The following CMTM4 variants were observed in gnomAD, a reference collection of about 807,000 sequenced individuals.
CMTM4 encodes CKLF-like MARVEL transmembrane domain-containing protein 4.
CMTM4 carries 8 observed loss-of-function variants against 19.0 expected under a neutral mutation model. The observed-to-expected ratio is 0.42, with a 90% confidence interval of 0.25 to 0.76. The LOEUF (loss-of-function observed/expected upper bound fraction) is 0.76. Among genes scored for constraint, CMTM4 ranks in the 30% least tolerant of loss-of-function variants. The pLI is 0.27. For synonymous variants in CMTM4, 106 were observed against 121.1 expected (o/e 0.88, Z 0.82); for missense variants, 228 against 290.2 (o/e 0.79, Z 1.56).
the CMTM4 span, among the ~76,000 whole-genome samples, chr16:66,605,726 C>G: frequency 6.6e-6 from 1 of 152,202 alleles, no homozygotes; most frequent in Non-Finnish European, 1.5e-5. This position sits in a 1 kb window ranked among gnomAD's most constrained non-coding sequence, Gnocchi z 4.6. Flanking sequence ...CAGATGAGAG[C>G]GCTCAGGCGC....
At chr16:66,630,486 G>A (rs1225395626) in intron 2 of CMTM4, among the ~76,000 whole-genome samples, 8 of 151,810 alleles carry the variant, frequency 5.3e-5, no homozygotes, top group South Asian at 2.1e-4. Flanking sequence ...TTGCAGGCGC[G>A]CGCCGCCACG....
Position 66,619,534 on chromosome 16 carries a change from T to C in CMTM4, c.*2524A>G. The C allele has an allele frequency of 1.0e-6, 1 of 985,400 alleles. No homozygotes were observed. Among genetic ancestry groups the C allele is most frequent in the Non-Finnish European group, 1.2e-6 (1 of 829,940 alleles). 61.0% of individuals were successfully genotyped at this position (985,400 alleles called of 1,614,324 possible). ...TTAAACGCAAAAACGCTTCCTTCAATTTGCCAAGAGGTCATTTTAAGGCCC... is the reference window on the plus strand; with the variant it reads ...TTAAACGCAAAAACGCTTCCTTCAACTTGCCAAGAGGTCATTTTAAGGCCC... On this transcript the variant is annotated 3_prime_UTR_variant, in exon 4 of 4. Coordinates refer to ENST00000394106, the MANE Select transcript of CMTM4 (RefSeq NM_181521.3).
At chr16:66,692,906 C>T (rs1160195122) in intron 1 of CMTM4, among the ~76,000 whole-genome samples, 1 of 114,124 alleles carries the variant, frequency 8.8e-6, no homozygotes, top group African/African-American at 3.3e-5. Context: ...GACTCCATCT[C>T]AAAAAAAAAA....
chr16:66,646,388 TAATA>T (rs916172576), intron 1 of CMTM4, among the ~76,000 whole-genome samples: 11 of 152,286 alleles, frequency 7.2e-5, no homozygotes, highest in Admixed American at 2.0e-4. Flanking sequence ...TACATGCATA[TAATA>T]TATACACATA....
At chr16:66,633,296 T>C (rs2015919485) in intron 2 of CMTM4, among the ~76,000 whole-genome samples, 1 of 151,778 alleles carries the variant, frequency 6.6e-6, no homozygotes, top group African/African-American at 2.4e-5. Context: ...CAACCTGGGC[T>C]CCTGGAATGA....
intron 1 of CMTM4, among the ~76,000 whole-genome samples, chr16:66,656,111 G>A (rs891792387): frequency 1.3e-5 from 2 of 152,084 alleles, no homozygotes; most frequent in East Asian, 1.9e-4. Context: ...GGGAGACAGA[G>A]TATTTGTCTC....
intron 2 of CMTM4, among the ~76,000 whole-genome samples, chr16:66,632,267 G>A (rs1008810100): frequency 6.6e-5 from 10 of 152,188 alleles, no homozygotes; most frequent in Admixed American, 2.0e-4. Flanking sequence ...CTAGGAACAC[G>A]GAGGCCCCGT....
In CMTM4 at chr16:66,617,877, G is replaced by A; in HGVS notation, c.*4181C>T. Reference sequence around the variant, plus strand: ...CCCAGCATCCCACTCTTGCCCTCAAGCTGACTGTGGAACGCGAGACAGCTT... The same window carrying A: ...CCCAGCATCCCACTCTTGCCCTCAAACTGACTGTGGAACGCGAGACAGCTT... On this transcript the variant is annotated 3_prime_UTR_variant, in exon 4 of 4. Coordinates refer to ENST00000394106, the MANE Select transcript of CMTM4 (RefSeq NM_181521.3). 5.1e-6 allele frequency: 5 copies of A among 988,526 alleles called. No homozygotes were observed. Among genetic ancestry groups the A allele is most frequent in the Non-Finnish European group, 6.0e-6 (5 of 832,090 alleles). The allele number at this position is 988,526 out of a possible 1,614,324, so 61.2% of individuals were successfully genotyped here.
intron 1 of CMTM4, among the ~76,000 whole-genome samples, chr16:66,638,777 T>G (rs935958689): frequency 2.6e-5 from 4 of 152,076 alleles, no homozygotes; most frequent in Admixed American, 1.3e-4. Flanking sequence ...GAGAATCACT[T>G]GAAACCCGGG....
Position 66,636,400 on chromosome 16 carries a change from CT to C in CMTM4, c.363+4del. 6.2e-7 allele frequency: 1 copy of C among 1,613,234 alleles called. No individual in the cohort carries two copies. Among genetic ancestry groups the C allele is most frequent in the Non-Finnish European group, 8.5e-7 (1 of 1,179,290 alleles). ...TTCATGGCCAGAGTGGCCGCTTGTA[CT>C]CACTGTCAGATTCCAGTTGATCTGG... On this transcript the variant is annotated splice_donor_region_variant and intron_variant, in intron 2 of 3. Transcript: ENST00000394106.
downstream of CMTM4, chr16:66,613,321 A>G (rs910384599): frequency 1.7e-6 from 1 of 586,280 alleles, no homozygotes; most frequent in African/African-American, 1.9e-5. Context: ...GAGCTCATAG[A>G]CTGACTGGTC....
chr16:66,626,774 A>G (rs928741768), intron 2 of CMTM4, among the ~76,000 whole-genome samples: 2 of 141,494 alleles, frequency 1.4e-5, no homozygotes, highest in Non-Finnish European at 3.0e-5. Flanking sequence ...CGTCTCAAAG[A>G]AAAAAAAAAA....
At chr16:66,630,951 C>G (rs2015848354) in intron 2 of CMTM4, among the ~76,000 whole-genome samples, 1 of 151,538 alleles carries the variant, frequency 6.6e-6, no homozygotes, top group Non-Finnish European at 1.5e-5. Context: ...CTGGCCGCGA[C>G]CCCATCTGGG....
intron 1 of CMTM4, among the ~76,000 whole-genome samples, chr16:66,670,539 C>T (rs1254714994): frequency 6.6e-6 from 1 of 151,954 alleles, no homozygotes; most frequent in Admixed American, 6.6e-5. Flanking sequence ...CGATGGCTCA[C>T]GCCTGTAATC....
chr16:66,633,134 T>TATATATATAAAA (rs2015915746), intron 2 of CMTM4, among the ~76,000 whole-genome samples: 3 of 139,952 alleles, frequency 2.1e-5, no homozygotes, highest in African/African-American at 8.0e-5. Flanking sequence ...TATATATAAA[T>TATATATATAAAA]ATATATATAT....
At chr16:66,602,855 C>T in the CMTM4 span, among the ~76,000 whole-genome samples, 1 of 152,218 alleles carries the variant, frequency 6.6e-6, no homozygotes, top group Non-Finnish European at 1.5e-5. Context: ...ACCCAAGGAG[C>T]CAATTTTCCT....
At chr16:66,609,337 C>A in the CMTM4 span, 1 of 1,036,608 alleles carries the variant, frequency 9.6e-7, no homozygotes, top group Non-Finnish European at 1.4e-6. The surrounding 1 kb of genome is among the most constrained non-coding windows in gnomAD (Gnocchi z 4.4). Context: ...CCCTCAGGTG[C>A]TAGGCCTGGG....
the CMTM4 span, among the ~76,000 whole-genome samples, chr16:66,601,579 GC>G: frequency 6.6e-6 from 1 of 152,186 alleles, no homozygotes; most frequent in South Asian, 2.1e-4. Context: ...CGGACTGGCA[GC>G]CTGGCCCCCA....
intron 2 of CMTM4, among the ~76,000 whole-genome samples, chr16:66,631,352 G>A (rs2015866009): frequency 6.6e-6 from 1 of 151,580 alleles, no homozygotes; most frequent in Non-Finnish European, 1.5e-5. Context: ...TCCGGGAGGT[G>A]AGGGGCGCCT....
Sources: gnomAD v4.1 joint callset for allele counts (sites outside exome capture counted in the v4.1 genomes callset) on GRCh38, gnomAD v4.1.1 for gene constraint, Gnocchi (gnomAD v3.1) non-coding constraint, MANE v1.5 for transcripts, NCBI Gene and HGNC (gene_info 2026-07-23, HGNC 2026-07-21) for gene names.